TMTC2: variants seen among roughly 807,000 people sequenced by gnomAD.
The protein encoded by TMTC2 is transmembrane O-mannosyltransferase targeting cadherins 2.
A neutral mutation model predicts 82.4 loss-of-function variants in TMTC2; 43 were observed. The ratio of observed to expected loss-of-function variants is 0.52; its 90% CI spans 0.41 to 0.67. The LOEUF is 0.67. Ranked by LOEUF, TMTC2 falls within the 30% of genes least tolerant of loss-of-function variation. The probability of loss-of-function intolerance (pLI) is 0.00; values close to 1 mark genes in which losing one functional copy is unlikely to be tolerated. For synonymous variants in TMTC2, 408 were observed against 381.9 expected, an observed-to-expected ratio of 1.07 and a Z score of -0.80; for missense variants, 919 against 1,012.4, an observed-to-expected ratio of 0.91 and a Z score of 1.25.
intron 1 of TMTC2, among the ~76,000 whole-genome samples, chr12:82,764,174 G>A (rs1009623269): frequency 1.3e-5 from 2 of 152,096 alleles, no homozygotes; most frequent in African/African-American, 4.8e-5. Context: ...GTCTCATTGT[G>A]TCACTCAGGC....
intron 1 of TMTC2, among the ~76,000 whole-genome samples, chr12:82,819,042 G>A (rs1213249820): frequency 6.6e-6 from 1 of 151,926 alleles, no homozygotes; most frequent in African/African-American, 2.4e-5. Context: ...AATTAGTCCA[G>A]TGGGAATTCT....
intron 7 of TMTC2, among the ~76,000 whole-genome samples, chr12:82,974,317 T>A (rs1211774273): frequency 2.6e-5 from 4 of 152,228 alleles, no homozygotes; most frequent in Non-Finnish European, 5.9e-5. Flanking sequence ...GGAGTAAAAC[T>A]TTTACTCAGT....
intron 11 of TMTC2, among the ~76,000 whole-genome samples, chr12:83,124,563 C>A (rs375146977): frequency 7.2e-6 from 1 of 138,582 alleles, no homozygotes; most frequent in Non-Finnish European, 1.6e-5. Context: ...TTGTTGAAAT[C>A]TTTTTTTTTT....
At chr12:82,743,540 T>G (rs1320135421) in intron 1 of TMTC2, among the ~76,000 whole-genome samples, 1 of 152,146 alleles carries the variant, frequency 6.6e-6, no homozygotes, top group East Asian at 1.9e-4. Context: ...ATTATTAATA[T>G]TATTATTCCT....
intron 3 of TMTC2, among the ~76,000 whole-genome samples, chr12:82,920,711 C>T (rs1293732504): frequency 6.6e-6 from 1 of 151,960 alleles, no homozygotes; most frequent in Non-Finnish European, 1.5e-5. Context: ...TAGAGCTTAT[C>T]CAGTGATATT....
intron 8 of TMTC2, among the ~76,000 whole-genome samples, chr12:83,008,216 T>G (rs954667289): frequency 6.6e-6 from 1 of 152,192 alleles, no homozygotes; most frequent in Admixed American, 6.5e-5. Flanking sequence ...GCCTTTGAGT[T>G]TTTTGAATCT....
intron 4 of TMTC2, among the ~76,000 whole-genome samples, chr12:82,963,788 T>C (rs1878046635): frequency 1.1e-5 from 1 of 90,192 alleles, no homozygotes; most frequent in Non-Finnish European, 2.1e-5. Flanking sequence ...GTTGTCCAGA[T>C]TTTCATATAT....
intron 10 of TMTC2, among the ~76,000 whole-genome samples, chr12:83,056,882 A>G (rs1321975466): frequency 6.6e-6 from 1 of 151,858 alleles, no homozygotes; most frequent in South Asian, 2.1e-4. Context: ...TTAACATGCA[A>G]GTGAACACCT....
intron 8 of TMTC2, among the ~76,000 whole-genome samples, chr12:83,001,428 G>T (rs1364725310): frequency 6.6e-6 from 1 of 151,418 alleles, no homozygotes; most frequent in African/African-American, 2.4e-5. Context: ...ACCTCAGGTG[G>T]GGAGTTCAAG....
intron 4 of TMTC2, among the ~76,000 whole-genome samples, chr12:82,947,662 C>T (rs767584208): frequency 8.5e-5 from 13 of 152,106 alleles, no homozygotes; most frequent in African/African-American, 2.7e-4. Context: ...AAGCAACAAT[C>T]GATGGCTTGG....
intron 1 of TMTC2, among the ~76,000 whole-genome samples, chr12:82,711,331 A>C (rs553249525): frequency 6.6e-6 from 1 of 152,288 alleles, no homozygotes; most frequent in African/African-American, 2.4e-5. Context: ...GTTTTGGTAA[A>C]TAATTATATA....
intron 11 of TMTC2, among the ~76,000 whole-genome samples, chr12:83,125,457 A>G (rs527341803): frequency 6.6e-6 from 1 of 152,340 alleles, no homozygotes; most frequent in South Asian, 2.1e-4. Flanking sequence ...TGGGTCACCA[A>G]AGAGGAAATA....
intron 11 of TMTC2, among the ~76,000 whole-genome samples, chr12:83,077,856 A>T (rs1448661626): frequency 2.2e-5 from 3 of 137,268 alleles, no homozygotes; most frequent in East Asian, 2.5e-4. Flanking sequence ...TACAGGTGTG[A>T]GCCACCATGC....
chr12:83,126,727 A>G (rs934584086), intron 11 of TMTC2, among the ~76,000 whole-genome samples: 7 of 152,108 alleles, frequency 4.6e-5, no homozygotes, highest in Non-Finnish European at 1.0e-4. Flanking sequence ...CCTTGCATCA[A>G]ACCATTAAGC....
chr12:83,004,728 T>TA (rs1180427246), intron 8 of TMTC2, among the ~76,000 whole-genome samples: 4 of 40,976 alleles, frequency 9.8e-5, no homozygotes, highest in Non-Finnish European at 1.3e-4. Context: ...CCGAATTTTT[T>TA]TTTTTTTTTT....
chr12:82,954,980 G>GA (rs1877539019), intron 4 of TMTC2, among the ~76,000 whole-genome samples: 1 of 152,138 alleles, frequency 6.6e-6, no homozygotes, highest in Admixed American at 6.5e-5. Flanking sequence ...TTGCTTTTCT[G>GA]TAGTATATCT....
intron 2 of TMTC2, among the ~76,000 whole-genome samples, chr12:82,882,747 A>G (rs1872894882): frequency 6.6e-6 from 1 of 152,130 alleles, no homozygotes. Context: ...TTCCTATGTG[A>G]AAACTTTAGT....
intron 8 of TMTC2, among the ~76,000 whole-genome samples, chr12:82,999,787 G>A (rs1879833613): frequency 6.6e-6 from 1 of 152,138 alleles, no homozygotes; most frequent in African/African-American, 2.4e-5. Flanking sequence ...GGAATTATGG[G>A]AGCTACAAGA....
At chr12:82,964,953 T>G (rs1878120073) in intron 4 of TMTC2, 71 bp from the exon 5 acceptor site, 1 of 1,001,300 alleles carries the variant, frequency 1.0e-6, no homozygotes, top group South Asian at 1.7e-5. Context: ...TTTTGGAATA[T>G]AAAATAAAAA....
Sources: gnomAD v4.1 joint callset for allele counts (sites outside exome capture counted in the v4.1 genomes callset) on GRCh38, gnomAD v4.1.1 for gene constraint, MANE v1.5 for transcripts, NCBI Gene and HGNC (gene_info 2026-07-23, HGNC 2026-07-21) for gene names.